The following TSHZ3 variants were observed in gnomAD, a reference collection of about 807,000 sequenced individuals.
The protein encoded by TSHZ3 is teashirt zinc finger homeobox 3.
In TSHZ3, 10 loss-of-function variants were observed where a neutral mutation model predicts 64.5. The observed-to-expected ratio is 0.16, with a 90% CI of 0.10 to 0.26. TSHZ3 has a LOEUF of 0.26. Among genes scored for constraint, TSHZ3 ranks in the 10% least tolerant of loss-of-function variants. The pLI, the probability that TSHZ3 is intolerant of heterozygous loss-of-function variation, is 1.00. For synonymous variants in TSHZ3, 608 were observed against 593.1 expected (o/e 1.03, Z -0.36); for missense variants, 1,242 against 1,421.7 (o/e 0.87, Z 2.03).
chr19:31,214,705 G>A (rs982586699), intron 4 of TSHZ3, among the ~76,000 whole-genome samples: 18 of 151,840 alleles, frequency 1.2e-4, no homozygotes, highest in African/African-American at 2.7e-4. Flanking sequence ...CCAGGAAATC[G>A]AGACCATCCT....
intron 5 of TSHZ3, among the ~76,000 whole-genome samples, chr19:31,189,536 T>C (rs1974868280): frequency 6.6e-6 from 1 of 152,000 alleles, no homozygotes; most frequent in African/African-American, 2.4e-5. Context: ...CCCAGATATA[T>C]GAGGATTTTC....
intron 1 of TSHZ3, among the ~76,000 whole-genome samples, chr19:31,268,898 G>C (rs555191918): frequency 6.6e-6 from 1 of 152,196 alleles, no homozygotes; most frequent in East Asian, 1.9e-4. Flanking sequence ...AAATTCCTGA[G>C]ACCCCAGTTC....
At chr19:31,257,933 T>C (rs1187309747) in intron 1 of TSHZ3, among the ~76,000 whole-genome samples, 1 of 152,146 alleles carries the variant, frequency 6.6e-6, no homozygotes, top group African/African-American at 2.4e-5. Context: ...TTTCCCAAAC[T>C]TGGAGCCAAG....
intron 6 of TSHZ3, among the ~76,000 whole-genome samples, chr19:31,152,321 G>GA (rs1974252306): frequency 1.3e-5 from 2 of 151,464 alleles, no homozygotes; most frequent in Admixed American, 1.3e-4. Context: ...TGTTTATGTG[G>GA]AAGGTGCTTC....
At chr19:31,206,475 AGAAAG>A (rs752282554) in intron 4 of TSHZ3, among the ~76,000 whole-genome samples, 1 of 152,160 alleles carries the variant, frequency 6.6e-6, no homozygotes, top group Non-Finnish European at 1.5e-5. Flanking sequence ...TTATTTTGGG[AGAAAG>A]GAAAGTCCTT....
chr19:31,195,303 T>C (rs369268204), intron 5 of TSHZ3, among the ~76,000 whole-genome samples: 1 of 151,888 alleles, frequency 6.6e-6, no homozygotes, highest in African/African-American at 2.4e-5. Flanking sequence ...TAATTCAAAA[T>C]ACAGAAAATC....
intron 5 of TSHZ3, among the ~76,000 whole-genome samples, chr19:31,172,344 CA>C (rs1974547172): frequency 6.6e-6 from 1 of 152,210 alleles, no homozygotes; most frequent in South Asian, 2.1e-4. Flanking sequence ...CAGAGAAAAT[CA>C]GGCAAAAATT....
At chr19:31,312,319 G>A (rs1916481297) in intron 1 of TSHZ3, among the ~76,000 whole-genome samples, 1 of 152,208 alleles carries the variant, frequency 6.6e-6, no homozygotes, top group Non-Finnish European at 1.5e-5. Flanking sequence ...TGGGGCTAAT[G>A]ACTGTGTTGT....
At chr19:31,314,697 G>C (rs968471058) in intron 1 of TSHZ3, among the ~76,000 whole-genome samples, 6 of 152,194 alleles carry the variant, frequency 3.9e-5, no homozygotes, top group Admixed American at 1.3e-4. Flanking sequence ...AATTAACTTT[G>C]TAGCCAGAAT....
intron 1 of TSHZ3, among the ~76,000 whole-genome samples, chr19:31,317,815 A>C (rs936287546): frequency 6.6e-6 from 1 of 152,226 alleles, no homozygotes; most frequent in Non-Finnish European, 1.5e-5. Flanking sequence ...CTTCATTTAT[A>C]AACTTTTCCC....
exon 3 of TSHZ3, among the ~76,000 whole-genome samples, chr19:31,242,491 G>T (rs998870084): frequency 6.6e-6 from 1 of 152,174 alleles, no homozygotes; most frequent in Admixed American, 6.5e-5. Flanking sequence ...ATGTCCAAAG[G>T]CAGCAGAAGA....
chr19:31,307,277 C>T (rs1226973534), intron 1 of TSHZ3, among the ~76,000 whole-genome samples: 1 of 148,962 alleles, frequency 6.7e-6, no homozygotes, highest in African/African-American at 2.5e-5. Context: ...GCCATTGTAC[C>T]CCTTCATTTT....
At chr19:31,288,912 C>T (rs1976513064) in intron 1 of TSHZ3, among the ~76,000 whole-genome samples, 1 of 152,168 alleles carries the variant, frequency 6.6e-6, no homozygotes, top group Non-Finnish European at 1.5e-5. Flanking sequence ...CCCTGGGTCT[C>T]AGCTTCTGCC....
intron 4 of TSHZ3, among the ~76,000 whole-genome samples, chr19:31,205,350 C>A (rs187032345): frequency 2.0e-5 from 3 of 152,166 alleles, no homozygotes; most frequent in Non-Finnish European, 4.4e-5. Flanking sequence ...GCTTCCTTTC[C>A]TGCCCCTTTT....
At chr19:31,204,662 G>C (rs555699377) in intron 5 of TSHZ3, 59 of 152,380 alleles carry the variant, frequency 3.9e-4, no homozygotes, top group African/African-American at 1.4e-3. Flanking sequence ...GCATTGCTTT[G>C]TTTGCTAGTG....
chr19:31,320,742 G>C (rs1369105712), intron 1 of TSHZ3, among the ~76,000 whole-genome samples: 1 of 152,214 alleles, frequency 6.6e-6, no homozygotes, highest in Non-Finnish European at 1.5e-5. Context: ...CTGCAGGGAG[G>C]AAGTAACCAG....
chr19:31,311,032 C>A (rs1428034683), intron 1 of TSHZ3, among the ~76,000 whole-genome samples: 1 of 152,188 alleles, frequency 6.6e-6, no homozygotes, highest in African/African-American at 2.4e-5. Context: ...ATCAGCTCAG[C>A]CTCTTGAGAC....
At chr19:31,172,137 T>C (rs1453005412) in intron 5 of TSHZ3, among the ~76,000 whole-genome samples, 3 of 152,248 alleles carry the variant, frequency 2.0e-5, no homozygotes, top group African/African-American at 7.2e-5. Flanking sequence ...CTCCATATCA[T>C]AGTGCCCTTG....
rs1916358279 is a variant in TSHZ3, at chr19:31,308,416, C to T, written c.41-28664G>A. On this transcript the variant is annotated intron_variant, in intron 1 of 1. Coordinates refer to ENST00000240587, the MANE Select transcript of TSHZ3 (RefSeq NM_020856.4). ...AAGGGAAAATGCGCTGGAACATTCC[C>T]CCGACAGGCAAAATAGAGACAGCTC... 7 of 380,552 alleles carry T rather than the reference C, an allele frequency of 1.8e-5. No individual in the cohort carries two copies. In the East Asian group the frequency reaches 2.6e-4, roughly 14 times the overall value. The allele number at this position is 380,552 out of a possible 1,614,324, so 23.6% of individuals were successfully genotyped here. A position where few individuals can be genotyped will look rare whatever the true frequency, so the allele number is the denominator to read the frequency against.
Sources: gnomAD v4.1 joint callset for allele counts (sites outside exome capture counted in the v4.1 genomes callset) on GRCh38, gnomAD v4.1.1 for gene constraint, MANE v1.5 for transcripts, NCBI Gene and HGNC (gene_info 2026-07-23, HGNC 2026-07-21) for gene names.